COL4A1: variants seen among roughly 807,000 people sequenced by gnomAD.
COL4A1 encodes the protein collagen type IV alpha 1 chain, also known as collagen alpha-1(IV) chain.
A neutral mutation model predicts 216.6 loss-of-function variants in COL4A1; 40 were observed. The ratio of observed to expected loss-of-function variants is 0.18; its 90% CI spans 0.14 to 0.24. The LOEUF (loss-of-function observed/expected upper bound fraction) is 0.24. COL4A1 is among the 10% of genes least tolerant of loss of function. The pLI, the probability that COL4A1 is intolerant of heterozygous loss-of-function variation, is 1.00. For synonymous variants in COL4A1, 839 were observed against 810.7 expected (o/e 1.03, Z -0.59); for missense variants, 1,628 against 2,196.8 (o/e 0.74, Z 5.18).
intron 1 of COL4A1, among the ~76,000 whole-genome samples, chr13:110,261,032 G>A (rs1250505321): frequency 0.019 from 7 of 374 alleles, no homozygotes; most frequent in Non-Finnish European, 0.031. Context: ...GCGAGACTCC[G>A]TCTCAAAAAA....
chr13:110,206,254 G>A (rs573543386), intron 15 of COL4A1, among the ~76,000 whole-genome samples: 2 of 152,340 alleles, frequency 1.3e-5, no homozygotes, highest in South Asian at 2.1e-4. Context: ...ACTGGCAGTG[G>A]GGTGGGTCTC....
chr13:110,286,643 C>G (rs1283380542), intron 1 of COL4A1, among the ~76,000 whole-genome samples: 1 of 152,168 alleles, frequency 6.6e-6, no homozygotes, highest in Non-Finnish European at 1.5e-5. Context: ...TGGGTTACTT[C>G]GTGGGGCACT....
At chr13:110,221,196 T>C (rs1307285754) in intron 2 of COL4A1, among the ~76,000 whole-genome samples, 1 of 152,226 alleles carries the variant, frequency 6.6e-6, no homozygotes, top group Non-Finnish European at 1.5e-5. Context: ...AAGTCATATG[T>C]AATCCAAAGC....
At chr13:110,280,578 G>A (rs768048825) in intron 1 of COL4A1, among the ~76,000 whole-genome samples, 4 of 152,194 alleles carry the variant, frequency 2.6e-5, no homozygotes, top group African/African-American at 7.2e-5. Context: ...GCTTAGCAGC[G>A]CCGCATGGCA....
intron 44 of COL4A1, 101 bp downstream of exon 44, chr13:110,167,057 T>C (rs1877377766): frequency 2.2e-6 from 2 of 914,336 alleles, no homozygotes; most frequent in Admixed American, 1.7e-5. Context: ...CGTGCTATAA[T>C]GGCAGCGGTG....
Position 110,176,647 on chromosome 13 carries a change from C to T in COL4A1, c.2947G>A (p.Ala983Thr), listed in dbSNP as rs779083215. The T allele has an allele frequency of 4.3e-6, 7 of 1,614,192 alleles. No individual in the cohort carries two copies. Among genetic ancestry groups the T allele is most frequent in the East Asian group, 2.2e-5 (1 of 44,880 alleles). The change falls in exon 35 of 52, where the codon GCA (alanine) becomes ACA (threonine). Residue 983 changes from alanine (A) to threonine (T), a missense_variant. Transcript: ENST00000375820. ...TPGVPGKDGQ[A>T]GQPGQPGPKG... ...GTACCTGGCTGCCCAGGCTGTCCTG[C>T]CTGCCCGTCCTTTCCAGGCACTCCT...
intron 18 of COL4A1, 79 bp downstream of exon 18, chr13:110,203,487 C>T (rs913393750): frequency 2.6e-6 from 4 of 1,530,732 alleles, no homozygotes; most frequent in Non-Finnish European, 3.6e-6. Context: ...CTTCCTCCCC[C>T]CAGTGCTCTC....
At chr13:110,247,378 C>T (rs1881865110) in intron 1 of COL4A1, among the ~76,000 whole-genome samples, 1 of 152,154 alleles carries the variant, frequency 6.6e-6, no homozygotes, top group Non-Finnish European at 1.5e-5. Flanking sequence ...AAAGGTACTA[C>T]AAAGTAATCC....
chr13:110,199,978 G>A (rs1879100185), intron 20 of COL4A1, among the ~76,000 whole-genome samples: 1 of 152,184 alleles, frequency 6.6e-6, no homozygotes, highest in Admixed American at 6.5e-5. Flanking sequence ...CGTGGGCTGT[G>A]TGGGGTGTCG....
intron 32 of COL4A1, 25 bp downstream of exon 32, chr13:110,178,039 A>T: frequency 6.2e-7 from 1 of 1,614,198 alleles, no homozygotes; most frequent in Non-Finnish European, 8.5e-7. Context: ...TGATGGATCC[A>T]GGCAGAAGTT....
chr13:110,192,289 C>A lies in COL4A1; in HGVS notation c.1466-5G>T, dbSNP rs774417096. 6.2e-7 allele frequency: 1 copy of A among 1,613,920 alleles called. No individual in the cohort carries two copies. The highest frequency in any genetic ancestry group is 8.5e-7 in the Non-Finnish European group (1 of 1,179,964). ...CCCCTGGCTGCCCTGGGAAACCTTT[C>A]GTGAGAGAGAGGGAAAAAGACAGCA... On this transcript the variant is annotated splice_polypyrimidine_tract_variant and splice_region_variant and intron_variant, in intron 23 of 51. Coordinates refer to ENST00000375820, the MANE Select transcript of COL4A1 (RefSeq NM_001845.6).
intron 22 of COL4A1, among the ~76,000 whole-genome samples, chr13:110,194,535 G>A (rs1055577184): frequency 3.3e-5 from 5 of 152,142 alleles, no homozygotes; most frequent in African/African-American, 1.2e-4. Flanking sequence ...AGATGGAACC[G>A]AGAGCCCAGA....
chr13:110,213,639 C>T (rs1272299335), intron 4 of COL4A1, 143 bp downstream of exon 4: 8 of 795,110 alleles, frequency 1.0e-5, no homozygotes, highest in Admixed American at 7.9e-5. Flanking sequence ...CTGCCTGCCT[C>T]GCGCCTGCCT....
intron 45 of COL4A1, 150 bp from the exon 46 acceptor site, chr13:110,165,140 CA>C (rs911013591): frequency 4.0e-5 from 49 of 1,210,152 alleles, no homozygotes; most frequent in Non-Finnish European, 5.5e-5. Context: ...ATCAGATCTT[CA>C]CAAAACATGT....
intron 2 of COL4A1, among the ~76,000 whole-genome samples, chr13:110,224,823 C>T (rs759437114): frequency 4.6e-5 from 7 of 151,722 alleles, no homozygotes; most frequent in Non-Finnish European, 7.4e-5. Flanking sequence ...TGGAACAAAA[C>T]GAGGACACAG....
Position 110,150,401 on chromosome 13 carries a change from G to A in COL4A1, c.4972C>T (p.His1658Tyr), listed in dbSNP as rs758944770. ...ATACAGACTTGGCAGCGGCTGACGT[G>A]CGTGCGCAGCTCCCCTGCCTTCAAG... is the stretch of plus-strand genomic sequence containing the variant. The part of the protein sequence containing the change: ...STLKAGELRT[H>Y]VSRCQVCMRR... The change falls in exon 52 of 52, where the codon CAC (histidine) becomes TAC (tyrosine). Residue 1658 changes from histidine to tyrosine, a missense_variant. Physicochemically the swap from His to Tyr is moderately conservative, Grantham distance 83 (BLOSUM62 2). Transcript: ENST00000375820. 6.2e-7 allele frequency: 1 copy of A among 1,613,902 alleles called. No individual in the cohort carries two copies.
intron 2 of COL4A1, among the ~76,000 whole-genome samples, chr13:110,228,979 G>A (rs536238094): frequency 6.6e-6 from 1 of 152,292 alleles, no homozygotes; most frequent in African/African-American, 2.4e-5. Flanking sequence ...AAAGAAAAAG[G>A]GGAGGAAAAC....
At chr13:110,210,887 T>C (rs2139203470) in intron 8 of COL4A1, among the ~76,000 whole-genome samples, 1 of 152,266 alleles carries the variant, frequency 6.6e-6, no homozygotes, top group South Asian at 2.1e-4. Context: ...ACCCCTTCTC[T>C]GGTGTCTGGC....
At chr13:110,245,934 C>T (rs1049423700) in intron 1 of COL4A1, among the ~76,000 whole-genome samples, 19 of 151,886 alleles carry the variant, frequency 1.3e-4, no homozygotes, top group Middle Eastern at 3.2e-3. Flanking sequence ...CACCACCTTA[C>T]GCTTTTTCAT....
Sources: gnomAD v4.1 joint callset for allele counts (sites outside exome capture counted in the v4.1 genomes callset) on GRCh38, gnomAD v4.1.1 for gene constraint, MANE v1.5 for transcripts, NCBI Gene and HGNC (gene_info 2026-07-23, HGNC 2026-07-21) for gene names.